TRAF3: variants seen among roughly 807,000 people sequenced by gnomAD.
TRAF3 encodes TNF receptor-associated factor 3.
In TRAF3, 13 loss-of-function variants were observed where a neutral mutation model predicts 62.3. That is an observed-to-expected ratio of 0.21 (90% CI 0.14 to 0.33). The LOEUF is 0.33. Ranked by LOEUF, TRAF3 falls within the 10% of genes least tolerant of loss-of-function variation. TRAF3 has a pLI of 1.00. For missense variants in TRAF3, 440 were observed against 741.8 expected (o/e 0.59, Z 4.73); for synonymous variants, 269 against 283.4 (o/e 0.95, Z 0.51).
rs1379489255 is a variant in TRAF3 at position 102,804,197 on chromosome 14, A to AT, written c.-156-26137_-156-26136insT. ...AGAGTGAGACTGTTTAAAAAAAAAA[A>AT]CAAAAAAAACTTCAGAGGAGTCATA... On this transcript the variant is annotated intron_variant, in intron 1 of 11. Coordinates refer to ENST00000392745, the MANE Select transcript of TRAF3 (RefSeq NM_145725.3). 1.3e-5 allele frequency among the ~76,000 whole-genome samples: 2 copies of AT among 151,978 alleles called. 1 individual carries two copies. Among genetic ancestry groups the AT allele is most frequent in the East Asian group, 3.9e-4 (2 of 5,190 alleles).
rs1253250200 is a variant in TRAF3 at position 102,875,821 on chromosome 14, T to C, written c.402+93T>C. On this transcript the variant is annotated intron_variant, in intron 5 of 11. Coordinates refer to ENST00000392745, the MANE Select transcript of TRAF3 (RefSeq NM_145725.3). ...AAGTGGTCAGTAGGATGTGGCACTT[T>C]AAGACCATGTTGACATTAGTTTTTC... The C allele has an allele frequency of 3.7e-6, 4 of 1,079,702 alleles. No individual in the cohort carries two copies. The East Asian group carries it at 7.2e-5, about 19-fold the overall frequency. The allele number at this position is 1,079,702 out of a possible 1,614,324, so 66.9% of individuals were successfully genotyped here.
intron 6 of TRAF3, among the ~76,000 whole-genome samples, chr14:102,880,418 A>T (rs1392120881): frequency 5.3e-5 from 8 of 152,202 alleles, no homozygotes; most frequent in African/African-American, 1.7e-4. Context: ...TTGCCATCTC[A>T]TGCCAGTCAG....
intron 2 of TRAF3, among the ~76,000 whole-genome samples, chr14:102,838,158 A>G (rs1222986453): frequency 6.6e-6 from 1 of 152,204 alleles, no homozygotes; most frequent in Non-Finnish European, 1.5e-5. Flanking sequence ...CCTCATCTCT[A>G]TAACAGGCAA....
chr14:102,819,092 TA>T (rs1017469924), intron 1 of TRAF3, among the ~76,000 whole-genome samples: 8 of 151,888 alleles, frequency 5.3e-5, no homozygotes, highest in Non-Finnish European at 1.0e-4. Context: ...TTAATTAATT[TA>T]AAAAAATCCC....
chr14:102,898,235 G>C (rs530786310), intron 10 of TRAF3, among the ~76,000 whole-genome samples: 1 of 152,212 alleles, frequency 6.6e-6, no homozygotes. Flanking sequence ...CTTGAATTGC[G>C]TAGGGATTTA....
At chr14:102,829,274 G>T (rs1404376584) in intron 1 of TRAF3, among the ~76,000 whole-genome samples, 1 of 152,226 alleles carries the variant, frequency 6.6e-6, no homozygotes, top group Admixed American at 6.5e-5. Context: ...GGCATTGGAA[G>T]TGAGCTTTTC....
At chr14:102,792,523 C>T (rs1472238100) in intron 1 of TRAF3, among the ~76,000 whole-genome samples, 2 of 149,352 alleles carry the variant, frequency 1.3e-5, no homozygotes, top group African/African-American at 5.0e-5. Context: ...CCTCCTGCCT[C>T]AGACTCCCAA....
rs1311591331 is a variant in TRAF3, at chr14:102,777,602, A to G, written c.-230A>G. The stretch of plus-strand genomic sequence containing the variant: ...CCCCCCGCCATGGGGCAGCCCGGGG[A>G]GCAGAACGCTGCGGACCGCGGCGGA... On this transcript the variant is annotated 5_prime_UTR_variant, in exon 1 of 12. Coordinates refer to ENST00000392745, the MANE Select transcript of TRAF3 (RefSeq NM_145725.3). 7.0e-6 allele frequency: 1 copy of G among 142,628 alleles called. No individual in the cohort carries two copies. Among genetic ancestry groups the G allele is most frequent in the Non-Finnish European group, 1.5e-5 (1 of 64,626 alleles). 8.8% of individuals were successfully genotyped at this position (142,628 alleles called of 1,614,324 possible).
chr14:102,824,884 T>C (rs1761748162), intron 1 of TRAF3, among the ~76,000 whole-genome samples: 1 of 152,242 alleles, frequency 6.6e-6, no homozygotes, highest in Non-Finnish European at 1.5e-5. Context: ...GTAACAGTCA[T>C]GCCTTACATT....
intron 1 of TRAF3, among the ~76,000 whole-genome samples, chr14:102,825,228 C>G (rs1900228816): frequency 6.6e-6 from 1 of 152,250 alleles, no homozygotes; most frequent in South Asian, 2.1e-4. Flanking sequence ...GGAGCACCCA[C>G]TGGTGCACTT....
intron 1 of TRAF3, among the ~76,000 whole-genome samples, chr14:102,779,589 T>C (rs1284138164): frequency 6.6e-6 from 1 of 152,204 alleles, no homozygotes; most frequent in Non-Finnish European, 1.5e-5. Context: ...AATTTTTCAC[T>C]GTGCAACTCA....
chr14:102,906,522 T>G lies in TRAF3; in HGVS notation c.*738T>G, dbSNP rs1397461582. ...GTGATAGGAAAGAGAATATTCAACCTGTTGTTATTTCTCGTTAGAAATGTA... is the reference window on the plus strand; with the variant it reads ...GTGATAGGAAAGAGAATATTCAACCGGTTGTTATTTCTCGTTAGAAATGTA... On this transcript the variant is annotated 3_prime_UTR_variant, in exon 12 of 12. Transcript: ENST00000392745. 1 of 152,190 alleles carries G rather than the reference T, an allele frequency of 6.6e-6. No homozygotes were observed. The highest frequency in any genetic ancestry group is 1.5e-5 in the Non-Finnish European group (1 of 67,968). 9.4% of individuals were successfully genotyped at this position (152,190 alleles called of 1,614,324 possible).
intron 1 of TRAF3, among the ~76,000 whole-genome samples, chr14:102,808,523 A>G (rs1422368456): frequency 3.3e-5 from 5 of 152,098 alleles, no homozygotes; most frequent in East Asian, 1.9e-4. Flanking sequence ...AAAAAAAAAA[A>G]AAAAGAAAAG....
chr14:102,791,578 T>C (rs1360566270), intron 1 of TRAF3, among the ~76,000 whole-genome samples: 1 of 152,210 alleles, frequency 6.6e-6, no homozygotes, highest in Non-Finnish European at 1.5e-5. Context: ...CTAGTAGTTA[T>C]TTTGTGGGTT....
Position 102,870,219 on chromosome 14 carries a change from G to C in TRAF3, c.18G>C (p.Lys6Asn), listed in dbSNP as rs1281040764. The C allele has an allele frequency of 6.2e-7, 1 of 1,614,162 alleles. No homozygotes were observed. The highest frequency in any genetic ancestry group is 1.3e-5 in the African/African-American group (1 of 75,028). Residue 6 changes from lysine (K) to asparagine (N), a missense_variant, in exon 3 of 12, where the codon AAG becomes AAC. Around this residue, in one of 6 missense-constraint regions of TRAF3, gnomAD observed 40 missense variants for 38.3 expected, o/e 1.05. Transcript: ENST00000392745. ...TTCCTAAAATGGAGTCGAGTAAAAA[G>C]ATGGACTCTCCTGGCGCGCTGCAGA... MESSK[K>N]MDSPGALQTN...
chr14:102,829,016 T>C (rs1447496948), intron 1 of TRAF3, among the ~76,000 whole-genome samples: 1 of 152,228 alleles, frequency 6.6e-6, no homozygotes, highest in African/African-American at 2.4e-5. Context: ...CATTTTCAGA[T>C]GTGTGGAGCT....
chr14:102,891,045 C>T (rs1889682559), intron 8 of TRAF3, among the ~76,000 whole-genome samples: 2 of 152,132 alleles, frequency 1.3e-5, no homozygotes, highest in South Asian at 4.1e-4. Flanking sequence ...GATAAGAAGC[C>T]ACTTGAGATG....
At chr14:102,782,600 T>C (rs1897313398) in intron 1 of TRAF3, among the ~76,000 whole-genome samples, 1 of 152,164 alleles carries the variant, frequency 6.6e-6, no homozygotes, top group Non-Finnish European at 1.5e-5. Flanking sequence ...TTAAATGACC[T>C]AAGTCTCCTT....
chr14:102,841,891 G>A (rs1157284935), intron 2 of TRAF3, among the ~76,000 whole-genome samples: 3 of 152,038 alleles, frequency 2.0e-5, no homozygotes, highest in African/African-American at 7.2e-5. Flanking sequence ...CATACTGAGT[G>A]AAATGAAAGA....
Sources: gnomAD v4.1 joint callset for allele counts (sites outside exome capture counted in the v4.1 genomes callset) on GRCh38, gnomAD v4.1.1 for gene constraint, gnomAD v4.1.1 regional missense constraint, MANE v1.5 for transcripts, NCBI Gene and HGNC (gene_info 2026-07-23, HGNC 2026-07-21) for gene names.